The following MEGF6 variants were observed in gnomAD, a reference collection of about 807,000 sequenced individuals.
MEGF6 encodes multiple EGF like domains 6.
In MEGF6, 184 loss-of-function variants were observed where a neutral mutation model predicts 207.1. The observed-to-expected ratio is 0.89, with a 90% CI of 0.79 to 1.00. The LOEUF is 1.00. Among genes scored for constraint, MEGF6 ranks in the 50% least tolerant of loss-of-function variants. The probability of loss-of-function intolerance (pLI) is 0.00; values close to 1 mark genes in which losing one functional copy is unlikely to be tolerated. For synonymous variants in MEGF6, 1,038 were observed against 910.0 expected (o/e 1.14, Z -2.53); for missense variants, 2,282 against 2,202.9 (o/e 1.04, Z -0.72).
At chr1:3,567,479 C>A (rs188485464) in intron 4 of MEGF6, among the ~76,000 whole-genome samples, 1 of 152,200 alleles carries the variant, frequency 6.6e-6, no homozygotes, top group Non-Finnish European at 1.5e-5. Context: ...ATTGATTGCA[C>A]GTGGGCTGCG....
intron 34 of MEGF6, chr1:3,493,562 G>A (rs1427161308): frequency 3.0e-6 from 2 of 671,780 alleles, no homozygotes; most frequent in Non-Finnish European, 4.9e-6. Context: ...GCAGGGCCTG[G>A]CCTAAGGCTC....
In MEGF6 at chr1:3,494,680, GC is replaced by G; in HGVS notation, c.3932del (p.Gly1311AlafsTer207). ...CEHTCSCRNG[G>X]LCHASNGSCS... is the part of the protein sequence containing the mutation. ...AGCTGCCGTTGCTGGCGTGGCACAGGCCCCCATTTCTGCAGGAGCAGGTGTG... is the reference window on the plus strand; with the variant it reads ...AGCTGCCGTTGCTGGCGTGGCACAGGCCCCATTTCTGCAGGAGCAGGTGTG... On this transcript the variant is annotated frameshift_variant, in exon 31 of 37. Transcript: ENST00000356575. LOFTEE classifies it high-confidence loss of function. The G allele has an allele frequency of 1.9e-6, 3 of 1,574,094 alleles. No homozygotes were observed. Among genetic ancestry groups the G allele is most frequent in the Non-Finnish European group, 1.7e-6 (2 of 1,161,140 alleles).
At chr1:3,547,568 A>C (rs1020888639) in intron 4 of MEGF6, among the ~76,000 whole-genome samples, 5 of 151,846 alleles carry the variant, frequency 3.3e-5, no homozygotes, top group Non-Finnish European at 7.4e-5. Context: ...TTTCACTGTC[A>C]CCTGCACAGC....
chr1:3,531,411 T>G (rs1642166417), intron 4 of MEGF6: 15 of 1,133,796 alleles, frequency 1.3e-5, no homozygotes, highest in Non-Finnish European at 1.6e-5. Flanking sequence ...GGAGCCGCTC[T>G]GGGCCGGGCG....
At chr1:3,514,732 C>A (rs1641478459) in intron 6 of MEGF6, 60 bp from the exon 7 acceptor site, 2 of 1,488,952 alleles carry the variant, frequency 1.3e-6, no homozygotes, top group African/African-American at 1.4e-5. Context: ...CTGCAGGGCG[C>A]CTGCCCCCAG....
intron 5 of MEGF6, among the ~76,000 whole-genome samples, chr1:3,518,454 GTCTGAGCTGCC>G (rs1208956725): frequency 6.6e-6 from 1 of 152,158 alleles, no homozygotes; most frequent in Non-Finnish European, 1.5e-5. Flanking sequence ...GCCTCCTTCC[GTCTGAGCTGCC>G]TTGGTCTCTG....
chr1:3,524,762 T>C (rs546696747), intron 4 of MEGF6, among the ~76,000 whole-genome samples: 2 of 152,146 alleles, frequency 1.3e-5, no homozygotes, highest in Non-Finnish European at 2.9e-5. Flanking sequence ...TGAGGCCTTG[T>C]CTGGAAACAG....
At position 3,498,462 on chromosome 1, in the gene MEGF6, G is replaced by A; in HGVS notation, c.3261C>T (p.His1087=). 1.9e-6 allele frequency: 3 copies of A among 1,583,984 alleles called. No individual in the cohort carries two copies. The highest frequency in any genetic ancestry group is 1.1e-5 in the South Asian group (1 of 88,094). Residue 1087 remains histidine (H), a synonymous_variant, in exon 26 of 37, where the codon CAC becomes CAT. Coordinates refer to ENST00000356575, the MANE Select transcript of MEGF6 (RefSeq NM_001409.4). ...LPRDVRAGCR[H]SGGCLNGGLC... ...GGCCCCCGTTGAGGCAACCGCCGCT[G>A]TGCCGGCAGCCAGCTCTGACGTCCC...
chr1:3,534,334 A>G (rs1447217093), intron 4 of MEGF6, among the ~76,000 whole-genome samples: 2 of 152,238 alleles, frequency 1.3e-5, no homozygotes, highest in Non-Finnish European at 2.9e-5. Context: ...TACTATTAAA[A>G]TCAATTTCAC....
In MEGF6 at chr1:3,560,639, G is replaced by A; in HGVS notation, c.481+19186C>T. On this transcript the variant is annotated intron_variant, in intron 4 of 36. Transcript: ENST00000356575. This position sits in a 1 kb window ranked among gnomAD's most constrained non-coding sequence, Gnocchi z 4.0. ...GCAGGGAAAGGCTCTGGGGATCCGG[G>A]GTCCCTTCCCAGGCTTGGGGGAGGC... 1 of 435,016 alleles carries A rather than the reference G, an allele frequency of 2.3e-6. No individual in the cohort carries two copies. The highest frequency in any genetic ancestry group is 1.6e-5 in the South Asian group (1 of 61,846). 26.9% of individuals were successfully genotyped at this position (435,016 alleles called of 1,614,324 possible). A position where few individuals can be genotyped will look rare whatever the true frequency, so the allele number is the denominator to read the frequency against.
chr1:3,551,336 C>A (rs534630389), intron 4 of MEGF6, among the ~76,000 whole-genome samples: 2 of 152,256 alleles, frequency 1.3e-5, no homozygotes, highest in Non-Finnish European at 2.9e-5. Flanking sequence ...CTGCTGGGGA[C>A]GACAGGACCT....
intron 35 of MEGF6, 65 bp from the exon 36 acceptor site, chr1:3,491,024 G>GC: frequency 2.0e-6 from 3 of 1,467,278 alleles, no homozygotes; most frequent in Non-Finnish European, 2.7e-6. Flanking sequence ...AGTAATGGCA[G>GC]CAAGGCGTGA....
rs185527605 is a variant in MEGF6 at position 3,558,694 on chromosome 1, C to T, written c.481+21131G>A. On this transcript the variant is annotated intron_variant, in intron 4 of 36. Coordinates refer to ENST00000356575, the MANE Select transcript of MEGF6 (RefSeq NM_001409.4). ...ATAAAAATCCCTTCCTTTCTCTGTT[C>T]GGTGTGCTCTTGCGATCGTGATGGA... is the stretch of plus-strand genomic sequence containing the variant. Among the ~76,000 whole-genome samples, 518 of 152,326 alleles carry T rather than the reference C, an allele frequency of 3.4e-3. 1 individual carries two copies. Among genetic ancestry groups the T allele is most frequent in the Non-Finnish European group, 5.5e-3 (376 of 68,022 alleles).
intron 15 of MEGF6, 102 bp downstream of exon 15, chr1:3,506,006 C>G: frequency 6.9e-7 from 1 of 1,442,758 alleles, no homozygotes; most frequent in Non-Finnish European, 9.2e-7. Flanking sequence ...TGGCTGGGCC[C>G]CGATAGCCTC....
chr1:3,508,827 T>G, intron 12 of MEGF6, 138 bp from the exon 13 acceptor site: 1 of 1,178,070 alleles, frequency 8.5e-7, no homozygotes, highest in Non-Finnish European at 1.2e-6. Context: ...AAGGGTGACA[T>G]GGGGACAGAT....
intron 4 of MEGF6, among the ~76,000 whole-genome samples, chr1:3,559,381 G>A (rs987643779): frequency 6.6e-6 from 1 of 152,110 alleles, no homozygotes; most frequent in African/African-American, 2.4e-5. Flanking sequence ...TTGCAGCCCA[G>A]CAAGGTAGCA....
intron 4 of MEGF6, among the ~76,000 whole-genome samples, chr1:3,554,387 G>A (rs1004502611): frequency 6.6e-6 from 1 of 152,126 alleles, no homozygotes; most frequent in Non-Finnish European, 1.5e-5. Context: ...AGGCGGGAGG[G>A]GGACGGCACT....
chr1:3,591,232 A>G (rs1230048015), intron 3 of MEGF6, among the ~76,000 whole-genome samples: 1 of 152,224 alleles, frequency 6.6e-6, no homozygotes, highest in Non-Finnish European at 1.5e-5. Context: ...CGGCTAACCC[A>G]GGGTGGGAAG....
chr1:3,596,341 G>C (rs1010098190), intron 2 of MEGF6, among the ~76,000 whole-genome samples: 5 of 151,940 alleles, frequency 3.3e-5, no homozygotes, highest in Non-Finnish European at 5.9e-5. Flanking sequence ...AGAGACCCCA[G>C]CTACCCAGAG....
Sources: gnomAD v4.1 joint callset for allele counts (sites outside exome capture counted in the v4.1 genomes callset) on GRCh38, gnomAD v4.1.1 for gene constraint, Gnocchi (gnomAD v3.1) non-coding constraint, MANE v1.5 for transcripts, NCBI Gene and HGNC (gene_info 2026-07-23, HGNC 2026-07-21) for gene names.